The following ELP1 variants were observed in gnomAD, a reference collection of about 807,000 sequenced individuals.
ELP1 encodes elongator complex protein 1.
A neutral mutation model predicts 183.2 loss-of-function variants in ELP1; 131 were observed. The ratio of observed to expected loss-of-function variants is 0.72; its 90% confidence interval spans 0.62 to 0.83. The LOEUF is 0.83. ELP1 is among the 40% of genes least tolerant of loss of function. ELP1 has a pLI of 0.00. For missense variants in ELP1, 1,550 were observed against 1,594.9 expected (o/e 0.97, Z 0.48); for synonymous variants, 555 against 569.0 (o/e 0.98, Z 0.35).
intron 27 of ELP1, among the ~76,000 whole-genome samples, chr9:108,892,530 C>G (rs754329732): frequency 6.6e-6 from 1 of 152,204 alleles, no homozygotes; most frequent in Non-Finnish European, 1.5e-5. Flanking sequence ...TCTGGATCCT[C>G]AGGCAAGTTG....
At chr9:108,933,563 C>G (rs917401699) in intron 1 of ELP1, among the ~76,000 whole-genome samples, 1 of 152,260 alleles carries the variant, frequency 6.6e-6, no homozygotes, top group African/African-American at 2.4e-5. Flanking sequence ...CGCCGCCTTC[C>G]ATCGTGAATT....
intron 7 of ELP1, 90 bp downstream of exon 7, chr9:108,919,163 C>T: frequency 2.3e-6 from 2 of 863,058 alleles, no homozygotes; most frequent in Non-Finnish European, 1.9e-6. Context: ...ATAATTAATA[C>T]CCTACTCAAA....
chr9:108,932,249 A>G (rs915949367), intron 1 of ELP1, among the ~76,000 whole-genome samples: 1 of 152,226 alleles, frequency 6.6e-6, no homozygotes, highest in South Asian at 2.1e-4. Flanking sequence ...TTTATATATG[A>G]TGGAAGTGAG....
chr9:108,928,517 G>A (rs1202491003), intron 3 of ELP1, among the ~76,000 whole-genome samples: 1 of 152,070 alleles, frequency 6.6e-6, no homozygotes, highest in African/African-American at 2.4e-5. Flanking sequence ...CCAGAAAAAA[G>A]AGCAGTTAAA....
intron 13 of ELP1, among the ~76,000 whole-genome samples, chr9:108,907,192 A>G (rs1234546315): frequency 1.3e-5 from 2 of 152,052 alleles, no homozygotes; most frequent in African/African-American, 4.8e-5. Context: ...ACCAGACCCA[A>G]TGTTCCCAAT....
At chr9:108,922,757 C>CT in intron 6 of ELP1, 85 bp downstream of exon 6, 4 of 960,992 alleles carry the variant, frequency 4.2e-6, no homozygotes, top group Non-Finnish European at 6.8e-6. Flanking sequence ...TTACTGGCAT[C>CT]TAAGTGGACA....
chr9:108,893,927 T>G lies in ELP1; in HGVS notation c.2860+16A>C. On this transcript the variant is annotated intron_variant, in intron 26 of 36. Transcript: ENST00000374647. ...AGATCTGAAGTAGAGATAAACATAC[T>G]AATCCCCACACTTACCACATTTGCT... 1 of 1,613,478 alleles carries G rather than the reference T, an allele frequency of 6.2e-7. No homozygotes were observed. Among genetic ancestry groups the G allele is most frequent in the Middle Eastern group, 1.7e-4 (1 of 6,056 alleles).
intron 6 of ELP1, among the ~76,000 whole-genome samples, chr9:108,921,679 GT>G (rs1829652199): frequency 6.6e-6 from 1 of 152,012 alleles, no homozygotes; most frequent in South Asian, 2.1e-4. Flanking sequence ...AAGAAGCAAG[GT>G]TGTGTCTCAG....
chr9:108,872,964 T>G (rs1158233219), intron 36 of ELP1, among the ~76,000 whole-genome samples: 2 of 152,166 alleles, frequency 1.3e-5, no homozygotes, highest in African/African-American at 2.4e-5. Flanking sequence ...AAAGTAATTA[T>G]TCTGACAAAT....
chr9:108,893,945 C>A lies in ELP1; in HGVS notation c.2858G>T (p.Cys953Phe). 1.2e-6 allele frequency: 2 copies of A among 1,613,886 alleles called. No individual in the cohort carries two copies. The highest frequency in any genetic ancestry group is 1.7e-6 in the Non-Finnish European group (2 of 1,179,894). ...AACATACTAATCCCCACACTTACCA[C>A]ATTTGCTGAGGTGGCCAATGGCTTT... is the stretch of plus-strand genomic sequence containing the variant. ...YEKAIGHLSK[C>F]GPEYFPECLN... Residue 953 changes from cysteine to phenylalanine, a missense_variant and splice_region_variant, in exon 26 of 37, where the codon TGT becomes TTT. Transcript: ENST00000374647.
In ELP1 at chr9:108,926,572, A is replaced by G; in HGVS notation, c.417T>C (p.Asp139=). 6.2e-7 allele frequency: 1 copy of G among 1,613,076 alleles called. No individual in the cohort carries two copies. The highest frequency in any genetic ancestry group is 8.5e-7 in the Non-Finnish European group (1 of 1,179,812). ...TCTGCTGCTCCAGGATTGGCTCAAA[A>G]TCTTTTGTCATCATAATCAGGGTCT... ...GQQTLIMMTK[D]FEPILEQQIH... Residue 139 remains aspartate (D), a synonymous_variant, in exon 5 of 37, where the codon GAT becomes GAC. Coordinates refer to ENST00000374647, the MANE Select transcript of ELP1 (RefSeq NM_003640.5).
chr9:108,906,596 A>T, intron 13 of ELP1, 111 bp from the exon 14 acceptor site: 1 of 833,554 alleles, frequency 1.2e-6, no homozygotes, highest in Non-Finnish European at 2.0e-6. Context: ...ACTCCTAATT[A>T]TTTGGAGGGA....
intron 29 of ELP1, among the ~76,000 whole-genome samples, chr9:108,885,192 GAA>G (rs1232189997): frequency 6.6e-6 from 1 of 151,628 alleles, no homozygotes; most frequent in African/African-American, 2.4e-5. Flanking sequence ...AATAAAAAAA[GAA>G]TGATATAGAA....
At chr9:108,897,387 A>C in intron 22 of ELP1, 102 bp from the exon 23 acceptor site, 1 of 1,259,238 alleles carries the variant, frequency 7.9e-7, no homozygotes, top group Non-Finnish European at 1.2e-6. Context: ...AATAAAAATG[A>C]CTTTTGGAAA....
Position 108,897,145 on chromosome 9 carries a change from T to C in ELP1, c.2501+3A>G, listed in dbSNP as rs1828585802. 1.9e-6 allele frequency: 3 copies of C among 1,614,188 alleles called. No homozygotes were observed. Among genetic ancestry groups the C allele is most frequent in the Non-Finnish European group, 2.5e-6 (3 of 1,180,020 alleles). On this transcript the variant is annotated splice_donor_region_variant and intron_variant, in intron 23 of 36. Coordinates refer to ENST00000374647, the MANE Select transcript of ELP1 (RefSeq NM_003640.5). ...GGATGCCACCTGGTGACAGCATACA[T>C]ACTTATGAGGATTTATGCTCTCCAT... is the stretch of plus-strand genomic sequence containing the variant.
At chr9:108,896,830 A>C in intron 24 of ELP1, 123 bp downstream of exon 24, 1 of 1,097,864 alleles carries the variant, frequency 9.1e-7, no homozygotes, top group Non-Finnish European at 1.4e-6. Flanking sequence ...AGGGTCTTAA[A>C]ATGGCAACTA....
intron 32 of ELP1, 81 bp downstream of exon 32, chr9:108,879,971 T>C (rs565519484): frequency 2.2e-6 from 2 of 927,232 alleles, no homozygotes; most frequent in African/African-American, 1.6e-5. Flanking sequence ...TGCAGGCGGA[T>C]CACCAAGCAA....
chr9:108,874,782 T>G, intron 36 of ELP1, 113 bp downstream of exon 36: 1 of 775,810 alleles, frequency 1.3e-6, no homozygotes, highest in African/African-American at 1.7e-5. Flanking sequence ...AGTCAATTTT[T>G]TGTAGTGAAA....
chr9:108,879,139 T>C (rs1426487230), intron 33 of ELP1, among the ~76,000 whole-genome samples: 2 of 152,206 alleles, frequency 1.3e-5, no homozygotes, highest in Admixed American at 6.5e-5. Flanking sequence ...TCAGTGCCTA[T>C]AATTTAGTCA....
Sources: gnomAD v4.1 joint callset for allele counts (sites outside exome capture counted in the v4.1 genomes callset) on GRCh38, gnomAD v4.1.1 for gene constraint, MANE v1.5 for transcripts, NCBI Gene and HGNC (gene_info 2026-07-23, HGNC 2026-07-21) for gene names.